The following ZNF717 variants were observed in gnomAD, a reference collection of about 807,000 sequenced individuals.
ZNF717 encodes the protein krueppel-like factor X17.
In ZNF717, 9 loss-of-function variants were observed where a neutral mutation model predicts 13.8. The observed-to-expected ratio is 0.65, with a 90% CI of 0.39 to 1.14. ZNF717 has a LOEUF of 1.14. Among genes scored for constraint, ZNF717 ranks in the 50% most tolerant of loss-of-function variants. ZNF717 has a pLI of 0.01. For synonymous variants in ZNF717, 327 were observed against 364.1 expected, an observed-to-expected ratio of 0.90 and a Z score of 1.16; for missense variants, 1,040 against 1,080.7, an observed-to-expected ratio of 0.96 and a Z score of 0.53.
intron 2 of ZNF717, among the ~76,000 whole-genome samples, chr3:75,771,843 T>C (rs113806540): frequency 1.2e-4 from 18 of 152,238 alleles, no homozygotes; most frequent in Admixed American, 8.5e-4. Context: ...CCCCTGCCCC[T>C]GCAGGCTCAG....
At chr3:75,734,022 AG>A (rs76040502), downstream of ZNF717, among the ~76,000 whole-genome samples, 44,130 of 147,932 alleles carry the variant, frequency 0.3, 7,237 homozygotes, top group East Asian at 0.56. Context: ...CATTATCTAG[AG>A]GAAAAAAAAA....
intron 2 of ZNF717, among the ~76,000 whole-genome samples, chr3:75,774,676 A>T (rs1288602482): frequency 1.6e-5 from 2 of 127,202 alleles, no homozygotes; most frequent in African/African-American, 6.2e-5. Flanking sequence ...GCTGGAGTAC[A>T]GTGGTGCGAT....
chr3:75,776,549 A>G (rs547091434), intron 2 of ZNF717, among the ~76,000 whole-genome samples: 1 of 152,370 alleles, frequency 6.6e-6, no homozygotes, highest in East Asian at 1.9e-4. Flanking sequence ...CCCCTTCACA[A>G]TCTAGAATCT....
intron 5 of ZNF717, among the ~76,000 whole-genome samples, chr3:75,714,968 A>G (rs1299544851): frequency 6.6e-6 from 1 of 152,186 alleles, no homozygotes; most frequent in Non-Finnish European, 1.5e-5. Flanking sequence ...AACAGATCTT[A>G]TGGTTCTTTT....
At chr3:75,734,647 G>C (rs1259843796), downstream of ZNF717, among the ~76,000 whole-genome samples, 1 of 150,374 alleles carries the variant, frequency 6.7e-6, no homozygotes, top group East Asian at 2.0e-4. Context: ...CATTTAGCTA[G>C]GATGGTCTCA....
chr3:75,726,555 C>T (rs1938284003), downstream of ZNF717, among the ~76,000 whole-genome samples: 1 of 152,232 alleles, frequency 6.6e-6, no homozygotes, highest in African/African-American at 2.4e-5. Flanking sequence ...CCATGTGAAC[C>T]ACACCATCTC....
intron 2 of ZNF717, among the ~76,000 whole-genome samples, chr3:75,778,022 T>G (rs1191391571): frequency 7.3e-6 from 1 of 137,524 alleles, no homozygotes; most frequent in Non-Finnish European, 1.5e-5. Context: ...CCAAAAACAA[T>G]GGGAGTGATG....
chr3:75,737,819 T>G lies in ZNF717; in HGVS notation c.1804A>C (p.Asn602His), dbSNP rs748885031. ...ECNECEKTFI[N>H]KLNLGIHKRT... ...TTGTGTATCCCAAGGTTTAACTTAT[T>G]GATAAAGGTTTTCTCACATTCATTA... The change falls in exon 5 of 5, where the codon AAT (asparagine) becomes CAT (histidine). Residue 602 changes from asparagine to histidine, a missense_variant. By Grantham distance (68) the Asn-to-His change is moderately conservative. This residue lies in a region of ZNF717 where 873 missense variants were observed against 832.8 expected (regional missense o/e 1.05). Coordinates refer to ENST00000652011, the MANE Select transcript of ZNF717 (RefSeq NM_001290208.3). The G allele has an allele frequency of 1.9e-6, 3 of 1,550,936 alleles. No homozygotes were observed. Among genetic ancestry groups the G allele is most frequent in the Non-Finnish European group, 2.6e-6 (3 of 1,146,666 alleles).
intron 6 of ZNF717, among the ~76,000 whole-genome samples, chr3:75,696,716 A>AG (rs1190757922): frequency 2.0e-5 from 3 of 152,302 alleles, no homozygotes; most frequent in Non-Finnish European, 4.4e-5. Context: ...AACATGGCAA[A>AG]GCCCTGTCTC....
chr3:75,717,836 C>A (rs1938087330), intron 4 of ZNF717, among the ~76,000 whole-genome samples: 1 of 152,202 alleles, frequency 6.6e-6, no homozygotes, highest in African/African-American at 2.4e-5. Flanking sequence ...GAATTTTTCT[C>A]CAGCAAACAC....
downstream of ZNF717, among the ~76,000 whole-genome samples, chr3:75,705,833 C>T (rs1434654321): frequency 8.3e-3 from 1,166 of 141,124 alleles, no homozygotes; most frequent in African/African-American, 0.035. Flanking sequence ...TTCAGAGGTT[C>T]TGGGAAAATT....
chr3:75,764,125 CTGTGCAGA>C (rs1943246573), intron 2 of ZNF717, among the ~76,000 whole-genome samples: 1 of 152,220 alleles, frequency 6.6e-6, no homozygotes, highest in Admixed American at 6.5e-5. Context: ...CAGGTCCTCT[CTGTGCAGA>C]TGTGGTTGTT....
chr3:75,764,839 G>A (rs1366033792), intron 2 of ZNF717, among the ~76,000 whole-genome samples: 2 of 152,002 alleles, frequency 1.3e-5, no homozygotes, highest in African/African-American at 2.4e-5. Context: ...ATGACCATAT[G>A]ATCCAGCCAT....
rs1937705025 is a variant in ZNF717, at chr3:75,701,913, C to A, written n.1085+9274G>T. Among the ~76,000 whole-genome samples the A allele has an allele frequency of 2.6e-5, 4 of 152,420 alleles. No homozygotes were observed. The East Asian group carries it at 5.8e-4, about 22-fold the overall frequency. ...CACATTACTGATCATCATAGAAATG[C>A]AAATCAAACCCAAAATGAGATATCA... On this transcript the variant is annotated intron_variant and non_coding_transcript_variant, in intron 6 of 6. Coordinates refer to the ZNF717 transcript ENST00000648506.
At chr3:75,733,081 G>C (rs1575737772), downstream of ZNF717, among the ~76,000 whole-genome samples, 1 of 152,126 alleles carries the variant, frequency 6.6e-6, no homozygotes, top group Non-Finnish European at 1.5e-5. Context: ...TACTGCAAAA[G>C]ACCTGAAGAA....
At chr3:75,722,818 A>AAAAAAAG (rs1938195644) in intron 4 of ZNF717, among the ~76,000 whole-genome samples, 1 of 146,526 alleles carries the variant, frequency 6.8e-6, no homozygotes, top group Non-Finnish European at 1.5e-5. Flanking sequence ...AAAAAAAAAA[A>AAAAAAAG]AAAAATTTAA....
At chr3:75,777,410 C>G (rs796096306) in intron 2 of ZNF717, among the ~76,000 whole-genome samples, 1 of 151,504 alleles carries the variant, frequency 6.6e-6, no homozygotes, top group African/African-American at 2.4e-5. Context: ...TGTGCTAAAA[C>G]CGGAACCCAA....
intron 2 of ZNF717, among the ~76,000 whole-genome samples, chr3:75,755,366 T>C (rs1333139672): frequency 6.6e-6 from 1 of 152,252 alleles, no homozygotes; most frequent in Non-Finnish European, 1.5e-5. Context: ...AGATAGATTA[T>C]GTATGCTTAT....
intron 2 of ZNF717, among the ~76,000 whole-genome samples, chr3:75,773,406 T>C (rs1313412446): frequency 1.3e-5 from 2 of 152,126 alleles, no homozygotes; most frequent in Non-Finnish European, 2.9e-5. Flanking sequence ...TGCCCTGAAG[T>C]GCATTTAAAA....
Sources: gnomAD v4.1 joint callset for allele counts (sites outside exome capture counted in the v4.1 genomes callset) on GRCh38, gnomAD v4.1.1 for gene constraint, gnomAD v4.1.1 regional missense constraint, MANE v1.5 for transcripts, NCBI Gene and HGNC (gene_info 2026-07-23, HGNC 2026-07-21) for gene names.